The following GABPB1 variants were observed in gnomAD, a reference collection of about 807,000 sequenced individuals.
GABPB1 encodes GA-binding protein subunit beta-1.
GABPB1 carries 15 observed loss-of-function variants against 45.9 expected under a neutral mutation model. The ratio of observed to expected loss-of-function variants is 0.33; its 90% CI spans 0.22 to 0.50. GABPB1 has a LOEUF of 0.50. GABPB1 is among the 20% of genes least tolerant of loss of function. The pLI, the probability that GABPB1 is intolerant of heterozygous loss-of-function variation, is 0.98. For missense variants in GABPB1, 252 were observed against 457.5 expected, an observed-to-expected ratio of 0.55 and a Z score of 4.10; for synonymous variants, 143 against 154.4, an observed-to-expected ratio of 0.93 and a Z score of 0.55.
intron 1 of GABPB1, chr15:50,353,210 GCAGTCTT>G (rs2048921289): frequency 6.6e-6 from 1 of 152,122 alleles, no homozygotes; most frequent in Non-Finnish European, 1.5e-5. Flanking sequence ...GGCAGATTAT[GCAGTCTT>G]CATCTGTGAT....
chr15:50,314,944 TCA>T (rs2047264105), intron 1 of GABPB1, among the ~76,000 whole-genome samples: 1 of 152,234 alleles, frequency 6.6e-6, no homozygotes, highest in African/African-American at 2.4e-5. Flanking sequence ...GCTATCACAT[TCA>T]CAGTGATTTT....
At chr15:50,281,151 A>G (rs1054743631) in intron 8 of GABPB1, among the ~76,000 whole-genome samples, 1 of 152,378 alleles carries the variant, frequency 6.6e-6, no homozygotes, top group East Asian at 1.9e-4. Context: ...GAAGACAAAG[A>G]TCATTAGCAC....
chr15:50,289,726 AT>A (rs1406098983), intron 6 of GABPB1, 58 bp from the exon 7 acceptor site: 1 of 1,360,248 alleles, frequency 7.4e-7, no homozygotes. Context: ...ATAGAAACCT[AT>A]TTTTGCTTTG....
intron 6 of GABPB1, among the ~76,000 whole-genome samples, chr15:50,296,325 G>A (rs2046508950): frequency 6.6e-6 from 1 of 152,078 alleles, no homozygotes; most frequent in African/African-American, 2.4e-5. Context: ...CAAAAAAGTA[G>A]CAGAACACTT....
At chr15:50,344,819 C>T (rs2141169928) in intron 1 of GABPB1, among the ~76,000 whole-genome samples, 1 of 152,034 alleles carries the variant, frequency 6.6e-6, no homozygotes, top group South Asian at 2.1e-4. Context: ...GCTTGGGCAA[C>T]AAGAATGAAA....
chr15:50,316,024 C>T (rs960734187), intron 1 of GABPB1, among the ~76,000 whole-genome samples: 1 of 152,210 alleles, frequency 6.6e-6, no homozygotes, highest in Non-Finnish European at 1.5e-5. Flanking sequence ...GATTGCTCCA[C>T]TGCACTCCAG....
intron 8 of GABPB1, among the ~76,000 whole-genome samples, chr15:50,285,148 CTAAA>C (rs1160063162): frequency 2.0e-5 from 3 of 152,108 alleles, no homozygotes; most frequent in Non-Finnish European, 4.4e-5. Flanking sequence ...CAAAAAATTA[CTAAA>C]TATTCACCAA....
In GABPB1 at chr15:50,335,915, A is replaced by AAAAAG. The variant is rs747229560; in HGVS notation, c.-1+19069_-1+19070insCTTTT. Among the ~76,000 whole-genome samples, 391 of 104,374 alleles carry AAAAAG rather than the reference A, an allele frequency of 3.7e-3. 12 individuals are homozygous for AAAAAG. Among genetic ancestry groups the AAAAAG allele is most frequent in the African/African-American group, 0.011 (274 of 24,400 alleles). The allele number at this position is 104,374 out of a possible 152,430, so 68.5% of individuals were successfully genotyped here. ...CGACTCAAAAAAAAAAAAAAAAAAA[A>AAAAAG]AAGAAGACTGGTCTAATCTAGGCCA... On this transcript the variant is annotated intron_variant, in intron 1 of 8. Transcript: ENST00000380877.
At chr15:50,336,824 A>C (rs918409181) in intron 1 of GABPB1, among the ~76,000 whole-genome samples, 1 of 151,458 alleles carries the variant, frequency 6.6e-6, no homozygotes, top group Admixed American at 6.6e-5. Context: ...AAGAAGTTAA[A>C]TGTAGCCAGG....
intron 6 of GABPB1, among the ~76,000 whole-genome samples, chr15:50,296,639 A>G (rs1354529596): frequency 1.3e-5 from 2 of 152,162 alleles, no homozygotes; most frequent in African/African-American, 2.4e-5. Flanking sequence ...AAAATTATTC[A>G]ACCTCCACAA....
intron 1 of GABPB1, chr15:50,354,529 G>A (rs553793422): frequency 2.2e-4 from 99 of 448,622 alleles, no homozygotes; most frequent in South Asian, 1.3e-3. Context: ...AAAGGGTACC[G>A]CGGCGCCAGA....
chr15:50,282,560 G>GGAAAAAAAAAAAAAA (rs2046013343), intron 8 of GABPB1, among the ~76,000 whole-genome samples: 1 of 88,992 alleles, frequency 1.1e-5, no homozygotes, highest in Non-Finnish European at 2.3e-5. Flanking sequence ...CCTTAAAAAA[G>GGAAAAAAAAAAAAAA]AAAAAAAAAA....
At chr15:50,305,319 TTTTG>T (rs137963442) in intron 2 of GABPB1, among the ~76,000 whole-genome samples, 27,762 of 150,626 alleles carry the variant, frequency 0.18, 2,683 homozygotes, top group Middle Eastern at 0.23. Context: ...TAGATATATT[TTTTG>T]TTTGTTTGTT....
intron 2 of GABPB1, among the ~76,000 whole-genome samples, chr15:50,308,196 G>C (rs1376172645): frequency 6.6e-6 from 1 of 152,152 alleles, no homozygotes; most frequent in Non-Finnish European, 1.5e-5. Context: ...AATTTCATTT[G>C]TGGATATGAA....
At position 50,328,228 on chromosome 15, in the gene GABPB1, T is replaced by C. The variant is rs1331904271; in HGVS notation, c.1-18430A>G. On this transcript the variant is annotated intron_variant, in intron 1 of 8. Coordinates refer to ENST00000380877, the MANE Select transcript of GABPB1 (RefSeq NM_016654.5). ...AAAAGCTGGTCATCTTGCTTCATCC[T>C]ATTCCTTTCTAAAAAAAAAAAAAAT... is the stretch of plus-strand genomic sequence containing the variant. Among the ~76,000 whole-genome samples the C allele has an allele frequency of 2.0e-5, 3 of 151,848 alleles. No individual in the cohort carries two copies. The East Asian group carries it at 5.8e-4, about 29-fold the overall frequency.
chr15:50,295,509 C>T (rs1017533348), intron 6 of GABPB1, among the ~76,000 whole-genome samples: 1 of 151,832 alleles, frequency 6.6e-6, no homozygotes, highest in Non-Finnish European at 1.5e-5. Flanking sequence ...CTAGAGTGGC[C>T]TGTAAACCTT....
At chr15:50,342,852 G>C (rs1010761191) in intron 1 of GABPB1, among the ~76,000 whole-genome samples, 2 of 152,176 alleles carry the variant, frequency 1.3e-5, no homozygotes, top group African/African-American at 2.4e-5. Context: ...ACAAGTTGTA[G>C]TAGTCAAAGA....
intron 1 of GABPB1, among the ~76,000 whole-genome samples, chr15:50,319,886 T>C (rs1453223626): frequency 6.6e-6 from 1 of 152,164 alleles, no homozygotes; most frequent in African/African-American, 2.4e-5. Context: ...AACACATGTT[T>C]ACTGTACATA....
chr15:50,305,826 G>T (rs2046929770), intron 2 of GABPB1, among the ~76,000 whole-genome samples: 1 of 151,974 alleles, frequency 6.6e-6, no homozygotes, highest in Non-Finnish European at 1.5e-5. Context: ...CTGTCACTCA[G>T]GCTGGAGTCC....
Sources: gnomAD v4.1 joint callset for allele counts (sites outside exome capture counted in the v4.1 genomes callset) on GRCh38, gnomAD v4.1.1 for gene constraint, MANE v1.5 for transcripts, NCBI Gene and HGNC (gene_info 2026-07-23, HGNC 2026-07-21) for gene names.